ZCCHC4: variants seen among roughly 807,000 people sequenced by gnomAD.
ZCCHC4 encodes rRNA N(6)-adenosine-methyltransferase ZCCHC4.
Under a neutral mutation model 67.7 loss-of-function variants are expected in ZCCHC4, and 54 were observed. That is an observed-to-expected ratio of 0.80 (90% confidence interval 0.64 to 1.00). The LOEUF (loss-of-function observed/expected upper bound fraction) is 1.00. Among genes scored for constraint, ZCCHC4 ranks in the 50% least tolerant of loss-of-function variants. The pLI, the probability that ZCCHC4 is intolerant of heterozygous loss-of-function variation, is 0.00. For missense variants in ZCCHC4, 609 were observed against 617.0 expected, an observed-to-expected ratio of 0.99 and a Z score of 0.14; for synonymous variants, 198 against 213.5, an observed-to-expected ratio of 0.93 and a Z score of 0.63.
rs112341557 is a variant in ZCCHC4 at position 25,330,255 on chromosome 4, C to T, written c.330-2928C>T. Among the ~76,000 whole-genome samples the T allele has an allele frequency of 6.8e-3, 1,034 of 152,042 alleles. 10 individuals carry two copies. The highest frequency in any genetic ancestry group is 0.023 in the African/African-American group (971 of 41,484). Reference sequence around the variant, plus strand: ...ATCCACTGACCTCAGCCTCACAAAGCTCTGGGATTACAGATGTGAGCTACC... The same window carrying T: ...ATCCACTGACCTCAGCCTCACAAAGTTCTGGGATTACAGATGTGAGCTACC... On this transcript the variant is annotated intron_variant, in intron 3 of 12. Transcript: ENST00000302874.
chr4:25,328,990 CA>C (rs1719036120), intron 3 of ZCCHC4, among the ~76,000 whole-genome samples: 1 of 151,966 alleles, frequency 6.6e-6, no homozygotes, highest in South Asian at 2.1e-4. Flanking sequence ...GAGTTTAGAT[CA>C]GCCTGGACAG....
chr4:25,327,466 CCCA>C (rs1177919497), intron 3 of ZCCHC4, among the ~76,000 whole-genome samples: 2 of 150,242 alleles, frequency 1.3e-5, no homozygotes, highest in Admixed American at 1.3e-4. Context: ...TGCTTCGTCC[CCCA>C]CCACCCTTCC....
intron 5 of ZCCHC4, among the ~76,000 whole-genome samples, chr4:25,335,646 G>A (rs1267732727): frequency 1.3e-5 from 2 of 152,178 alleles, no homozygotes; most frequent in African/African-American, 2.4e-5. Flanking sequence ...TATAGTCCCA[G>A]CTACTCCGGA....
chr4:25,314,015 C>CTTTTTTTTTTTTTTTTTTTTTTTTTTTT lies in ZCCHC4; in HGVS notation c.128-16_128-15insTTTTTTTTTTTTTTTTTTTTTTTTTTTT. On this transcript the variant is annotated intron_variant, in intron 1 of 12. Transcript: ENST00000302874. ...TGACGTAGATGACCATTACTTGACA[C>CTTTTTTTTTTTTTTTTTTTTTTTTTTTT]TTTTTTTTTTTTTTTCTATTCTGGA... 3.9e-6 allele frequency: 4 copies of CTTTTTTTTTTTTTTTTTTTTTTTTTTTT among 1,022,006 alleles called. 2 individuals are homozygous for CTTTTTTTTTTTTTTTTTTTTTTTTTTTT. The highest frequency in any genetic ancestry group is 5.6e-6 in the Non-Finnish European group (4 of 713,336). 63.3% of individuals were successfully genotyped at this position (1,022,006 alleles called of 1,614,324 possible).
intron 3 of ZCCHC4, among the ~76,000 whole-genome samples, chr4:25,330,366 A>G (rs1343558230): frequency 2.0e-5 from 3 of 152,068 alleles, no homozygotes; most frequent in East Asian, 1.9e-4. Flanking sequence ...ATTGGATACT[A>G]GTAGTATGGG....
Position 25,345,533 on chromosome 4 carries a change from G to A in ZCCHC4, c.687-15G>A. ...TAGCTGTGACTGGGCAAATAACTCT[G>A]TAATTATTTTACAGGTATTCACAGT... On this transcript the variant is annotated splice_polypyrimidine_tract_variant and intron_variant, in intron 5 of 12. Transcript: ENST00000302874. The A allele has an allele frequency of 7.3e-7, 1 of 1,375,794 alleles. No individual in the cohort carries two copies. The highest frequency in any genetic ancestry group is 1.0e-6 in the Non-Finnish European group (1 of 969,612). The allele number at this position is 1,375,794 out of a possible 1,614,324, so 85.2% of individuals were successfully genotyped here. A position where few individuals can be genotyped will look rare whatever the true frequency, so the allele number is the denominator to read the frequency against.
intron 5 of ZCCHC4, among the ~76,000 whole-genome samples, chr4:25,343,817 G>C (rs1409270121): frequency 6.6e-6 from 1 of 152,160 alleles, no homozygotes; most frequent in African/African-American, 2.4e-5. Context: ...TAACTGAGTA[G>C]AAATACAAGC....
intron 8 of ZCCHC4, among the ~76,000 whole-genome samples, chr4:25,360,325 A>G (rs1220082854): frequency 6.6e-6 from 1 of 152,252 alleles, no homozygotes; most frequent in Non-Finnish European, 1.5e-5. Context: ...CCCTATAGGT[A>G]GTTGACCGGG....
At chr4:25,362,422 TTTA>T in intron 10 of ZCCHC4, 121 bp downstream of exon 10, 1 of 555,330 alleles carries the variant, frequency 1.8e-6, no homozygotes, top group Non-Finnish European at 2.8e-6. Flanking sequence ...TGTATTATCA[TTTA>T]TTAATTATGC....
chr4:25,321,214 C>G (rs1031546970), intron 3 of ZCCHC4, among the ~76,000 whole-genome samples: 1 of 151,922 alleles, frequency 6.6e-6, no homozygotes, highest in Non-Finnish European at 1.5e-5. Flanking sequence ...TGCTGCCGCT[C>G]TTTCTTCCTT....
At chr4:25,322,196 G>C (rs1357894794) in intron 3 of ZCCHC4, among the ~76,000 whole-genome samples, 1 of 152,138 alleles carries the variant, frequency 6.6e-6, no homozygotes, top group Non-Finnish European at 1.5e-5. Context: ...TTGAGGTAGG[G>C]TCTTGCTCTC....
intron 8 of ZCCHC4, chr4:25,352,104 T>C (rs1356518275): frequency 2.0e-6 from 2 of 988,074 alleles, no homozygotes; most frequent in East Asian, 2.2e-4. Flanking sequence ...ACCTTTGTGG[T>C]TGGTGAAATG....
chr4:25,335,782 G>A (rs1227771460), intron 5 of ZCCHC4, among the ~76,000 whole-genome samples: 1 of 152,010 alleles, frequency 6.6e-6, no homozygotes, highest in Non-Finnish European at 1.5e-5. Context: ...ATGAAGTGTA[G>A]CTTTAATAAT....
In ZCCHC4 at chr4:25,369,171, A is replaced by G; in HGVS notation, c.*7A>G. 6.2e-7 allele frequency: 1 copy of G among 1,608,114 alleles called. No homozygotes were observed. The highest frequency in any genetic ancestry group is 1.7e-5 in the Admixed American group (1 of 58,192). ...TCAATATCTTGGCTCTTAAATGTCC[A>G]GTGACTGGAGAATAAGAAAGATTTA... On this transcript the variant is annotated 3_prime_UTR_variant, in exon 13 of 13. Coordinates refer to ENST00000302874, the MANE Select transcript of ZCCHC4 (RefSeq NM_024936.3).
intron 3 of ZCCHC4, among the ~76,000 whole-genome samples, chr4:25,329,177 ACT>A (rs989574111): frequency 2.0e-5 from 3 of 151,830 alleles, no homozygotes; most frequent in Admixed American, 1.3e-4. Flanking sequence ...ACAGAATGAG[ACT>A]CTGTCTCAAA....
At chr4:25,334,992 C>T (rs1719379210) in intron 5 of ZCCHC4, among the ~76,000 whole-genome samples, 1 of 152,106 alleles carries the variant, frequency 6.6e-6, no homozygotes. Context: ...TTAGCACTAC[C>T]ACACCCAGGT....
chr4:25,316,413 G>A lies in ZCCHC4; in HGVS notation c.329+1013G>A, dbSNP rs182557867. 2.3e-3 allele frequency among the ~76,000 whole-genome samples: 343 copies of A among 152,336 alleles called. 5 individuals carry two copies. The highest frequency in any genetic ancestry group is 8.0e-3 in the African/African-American group (331 of 41,572). On this transcript the variant is annotated intron_variant, in intron 3 of 12. Transcript: ENST00000302874. ...CGCCAAACTGTTTTCCATAGTGGCT[G>A]CACCATTTTACATTCCCACTAGGAG... is the stretch of plus-strand genomic sequence containing the variant.
intron 3 of ZCCHC4, among the ~76,000 whole-genome samples, chr4:25,316,935 C>A (rs1398257642): frequency 6.6e-6 from 1 of 152,064 alleles, no homozygotes; most frequent in Non-Finnish European, 1.5e-5. Context: ...AAATACTAAA[C>A]CAAACTTTAA....
chr4:25,351,886 C>G lies in ZCCHC4; in HGVS notation c.1011+197C>G, dbSNP rs546321206. ...CATGTTGAAAATACAGATTGAGTACCAAAATAAACCCACTAAATCAGAATT... is the reference window on the plus strand; with the variant it reads ...CATGTTGAAAATACAGATTGAGTACGAAAATAAACCCACTAAATCAGAATT... On this transcript the variant is annotated intron_variant, in intron 8 of 12. Coordinates refer to ENST00000302874, the MANE Select transcript of ZCCHC4 (RefSeq NM_024936.3). 1.6e-3 allele frequency among the ~76,000 whole-genome samples: 236 copies of G among 152,014 alleles called. 1 individual carries two copies. The highest frequency in any genetic ancestry group is 5.5e-3 in the African/African-American group (229 of 41,478).
Sources: allele counts gnomAD v4.1 joint callset (sites outside exome capture counted in the v4.1 genomes callset), GRCh38; gene constraint gnomAD v4.1.1; transcripts MANE v1.5; gene names NCBI Gene and HGNC (gene_info 2026-07-23, HGNC 2026-07-21).